The following CYSLTR2 variants were observed in gnomAD, a reference collection of about 807,000 sequenced individuals.
CYSLTR2 encodes the protein cysteinyl leukotriene receptor 2, also known as G-protein coupled receptor GPCR21.
For synonymous variants in CYSLTR2, 179 were observed against 160.8 expected, an observed-to-expected ratio of 1.11 and a Z score of -0.86; for missense variants, 398 against 411.9, an observed-to-expected ratio of 0.97 and a Z score of 0.29.
intron 1 of CYSLTR2, among the ~76,000 whole-genome samples, chr13:48,666,753 T>A (rs1953272769): frequency 6.6e-6 from 1 of 152,180 alleles, no homozygotes; most frequent in Admixed American, 6.5e-5. Context: ...GGTTCTTTTT[T>A]ATGATAACTA....
chr13:48,672,616 C>CTTTTTTTTTTTTTTTT (rs71076039), intron 1 of CYSLTR2, among the ~76,000 whole-genome samples: 3 of 120,118 alleles, frequency 2.5e-5, no homozygotes, highest in Admixed American at 8.6e-5. Context: ...CTTTTCTTTT[C>CTTTTTTTTTTTTTTTT]TTTTTTTTTT....
chr13:48,669,468 C>T (rs1953360100), intron 1 of CYSLTR2, among the ~76,000 whole-genome samples: 1 of 152,034 alleles, frequency 6.6e-6, no homozygotes, highest in Non-Finnish European at 1.5e-5. Flanking sequence ...TGATGTTCCC[C>T]TCCCTGTGTC....
At chr13:48,666,241 C>T (rs932202486) in intron 1 of CYSLTR2, among the ~76,000 whole-genome samples, 4 of 152,106 alleles carry the variant, frequency 2.6e-5, no homozygotes, top group African/African-American at 9.7e-5. Flanking sequence ...CTCTTGACCT[C>T]TAAGGTTTCT....
chr13:48,668,549 G>T (rs564610472), intron 1 of CYSLTR2, among the ~76,000 whole-genome samples: 2 of 152,114 alleles, frequency 1.3e-5, no homozygotes, highest in South Asian at 2.1e-4. Context: ...TTCTCTTGGA[G>T]CCCTCATCAG....
intron 1 of CYSLTR2, among the ~76,000 whole-genome samples, chr13:48,665,931 G>A (rs1222074070): frequency 6.6e-6 from 1 of 152,000 alleles, no homozygotes; most frequent in Non-Finnish European, 1.5e-5. Context: ...GCAATTGAAT[G>A]GTTTCCTGTG....
intron 1 of CYSLTR2, among the ~76,000 whole-genome samples, chr13:48,675,633 A>G (rs1953572764): frequency 6.6e-6 from 1 of 152,136 alleles, no homozygotes; most frequent in South Asian, 2.1e-4. Context: ...CCCTGGCTTC[A>G]GCCCCCTTTC....
At chr13:48,668,896 G>T (rs976728762) in intron 1 of CYSLTR2, among the ~76,000 whole-genome samples, 1 of 152,150 alleles carries the variant, frequency 6.6e-6, no homozygotes, top group Admixed American at 6.5e-5. Context: ...TGCTGAGAAT[G>T]ATAGTTTCCA....
At chr13:48,676,031 A>G (rs1953587057) in intron 1 of CYSLTR2, among the ~76,000 whole-genome samples, 1 of 152,220 alleles carries the variant, frequency 6.6e-6, no homozygotes, top group African/African-American at 2.4e-5. Context: ...TTGGAAATGC[A>G]GAAATCACCC....
chr13:48,667,365 G>T (rs1432686996), intron 1 of CYSLTR2, among the ~76,000 whole-genome samples: 1 of 152,230 alleles, frequency 6.6e-6, no homozygotes, highest in African/African-American at 2.4e-5. Context: ...TGTCAATGCG[G>T]TTGCTCAGTC....
At chr13:48,692,765 TA>T (rs1322218140) in intron 2 of CYSLTR2, among the ~76,000 whole-genome samples, 3 of 151,322 alleles carry the variant, frequency 2.0e-5, no homozygotes, top group East Asian at 2.0e-4. Context: ...TTTACTTAGA[TA>T]TTTTTTGGTC....
chr13:48,702,954 A>C lies in CYSLTR2; in HGVS notation c.-1-3863A>C, dbSNP rs376213231. On this transcript the variant is annotated intron_variant, in intron 4 of 4. Transcript: ENST00000682523. ...GTTTCTCCATTTCTTTAAAACTTTG[A>C]TTTCTTTCACCAATAATTTGTAGTT... Among the ~76,000 whole-genome samples the C allele has an allele frequency of 4.8e-4, 73 of 152,136 alleles. 2 individuals are homozygous for C. In the South Asian group the frequency reaches 0.015, roughly 32 times the overall value.
chr13:48,667,263 A>G (rs888236245), intron 1 of CYSLTR2, among the ~76,000 whole-genome samples: 1 of 152,174 alleles, frequency 6.6e-6, no homozygotes, highest in Non-Finnish European at 1.5e-5. Context: ...TTTCTCAGGT[A>G]AAGGGAATGT....
chr13:48,657,699 C>T (rs1953032318), intron 1 of CYSLTR2, among the ~76,000 whole-genome samples: 1 of 151,530 alleles, frequency 6.6e-6, no homozygotes, highest in Admixed American at 6.6e-5. Context: ...AAGTCTCCTG[C>T]CATGAGGCTG....
intron 1 of CYSLTR2, among the ~76,000 whole-genome samples, chr13:48,686,854 T>C (rs1004566644): frequency 2.0e-5 from 3 of 152,180 alleles, no homozygotes; most frequent in African/African-American, 7.2e-5. Context: ...ATTGCTTGCA[T>C]AGTCAAGTCA....
At chr13:48,699,719 T>C (rs1346830730) in intron 4 of CYSLTR2, among the ~76,000 whole-genome samples, 1 of 151,724 alleles carries the variant, frequency 6.6e-6, no homozygotes, top group Non-Finnish European at 1.5e-5. Flanking sequence ...AAAAAATCAA[T>C]GAATCCAGGA....
At chr13:48,682,368 G>A (rs937547562) in intron 1 of CYSLTR2, among the ~76,000 whole-genome samples, 1 of 152,054 alleles carries the variant, frequency 6.6e-6, no homozygotes, top group African/African-American at 2.4e-5. Flanking sequence ...TGTTGTATTC[G>A]CTTTCCTGAG....
intron 1 of CYSLTR2, among the ~76,000 whole-genome samples, chr13:48,671,533 T>G (rs953710740): frequency 6.6e-6 from 1 of 152,190 alleles, no homozygotes; most frequent in African/African-American, 2.4e-5. Flanking sequence ...TATTGAGATA[T>G]TCATGTGGTT....
At position 48,708,908 on chromosome 13, in the gene CYSLTR2, A is replaced by G. The variant is rs892144275; in HGVS notation, c.*1050A>G. The G allele has an allele frequency of 1.8e-5, 3 of 167,114 alleles. No individual in the cohort carries two copies. The highest frequency in any genetic ancestry group is 4.8e-5 in the African/African-American group (2 of 41,460). The allele number at this position is 167,114 out of a possible 1,614,324, so 10.4% of individuals were successfully genotyped here. On this transcript the variant is annotated 3_prime_UTR_variant, in exon 5 of 5. Coordinates refer to ENST00000682523, the MANE Select transcript of CYSLTR2 (RefSeq NM_001308476.3). ...CCTTTCTGTCCACTGAAACAAGGCTAAGGATACTACCAACTACTATCACCA... is the reference window on the plus strand; with the variant it reads ...CCTTTCTGTCCACTGAAACAAGGCTGAGGATACTACCAACTACTATCACCA...
At chr13:48,692,038 G>A (rs1313167299) in intron 2 of CYSLTR2, among the ~76,000 whole-genome samples, 1 of 151,956 alleles carries the variant, frequency 6.6e-6, no homozygotes, top group Non-Finnish European at 1.5e-5. Context: ...TAAACCCAAA[G>A]ATAGTTTAGA....
Sources: allele counts gnomAD v4.1 joint callset (sites outside exome capture counted in the v4.1 genomes callset), GRCh38; gene constraint gnomAD v4.1.1; transcripts MANE v1.5; gene names NCBI Gene and HGNC (gene_info 2026-07-23, HGNC 2026-07-21).